Variants in ERC2 observed in about 807,000 individuals in gnomAD.
ERC2 encodes ELKS/RAB6-interacting/CAST family member 2.
ERC2 carries 42 observed loss-of-function variants against 114.8 expected under a neutral mutation model. That is an observed-to-expected ratio of 0.37 (90% CI 0.29 to 0.47). ERC2 has a LOEUF of 0.47. Among genes scored for constraint, ERC2 ranks in the 20% least tolerant of loss-of-function variants. The probability of loss-of-function intolerance (pLI) is 0.99; values close to 1 mark genes in which losing one functional copy is unlikely to be tolerated. For synonymous variants in ERC2, 454 were observed against 425.5 expected (o/e 1.07, Z -0.82); for missense variants, 939 against 1,150.7 (o/e 0.82, Z 2.66).
chr3:55,708,405 G>C (rs751948513), intron 15 of ERC2, among the ~76,000 whole-genome samples: 6 of 152,174 alleles, frequency 3.9e-5, no homozygotes, highest in Non-Finnish European at 5.9e-5. Context: ...TTAGTTAAGC[G>C]CAGGTCTGTT....
At chr3:56,086,672 G>T (rs2077520311) in intron 6 of ERC2, among the ~76,000 whole-genome samples, 1 of 151,594 alleles carries the variant, frequency 6.6e-6, no homozygotes, top group Non-Finnish European at 1.5e-5. Context: ...TTAAATACAG[G>T]GAAGATAAGG....
At chr3:55,850,845 AACACACACAC>A (rs61573924) in intron 14 of ERC2, among the ~76,000 whole-genome samples, 47 of 125,954 alleles carry the variant, frequency 3.7e-4, no homozygotes, top group Middle Eastern at 4.0e-3. Flanking sequence ...CTCTTTTTCA[AACACACACAC>A]ACACACACAC....
At chr3:55,927,333 T>C (rs1242334263) in intron 13 of ERC2, among the ~76,000 whole-genome samples, 1 of 152,198 alleles carries the variant, frequency 6.6e-6, no homozygotes, top group Non-Finnish European at 1.5e-5. Flanking sequence ...TTAAGCCTTG[T>C]CCCACTCAAT....
rs2107367135 is a variant in ERC2, at chr3:56,434,554, C to T, written c.454G>A (p.Ala152Thr). Residue 152 changes from alanine (A) to threonine (T), a missense_variant, in exon 2 of 18, where the codon GCC (alanine) becomes ACC (threonine). By Grantham distance (58) the Ala-to-Thr change is moderately conservative. This residue lies in a region of ERC2 where 281 missense variants were observed against 307.4 expected (regional missense o/e 0.91). Transcript: ENST00000288221. ...TCTCTCTGCAGTTCTTTCAGCTGGGCCTGAAGATCTAACATTGTGCTGTCT... is the reference window on the plus strand; with the variant it reads ...TCTCTCTGCAGTTCTTTCAGCTGGGTCTGAAGATCTAACATTGTGCTGTCT... ...VRDSTMLDLQ[A>T]QLKELQREND... The T allele has an allele frequency of 2.5e-6, 4 of 1,613,958 alleles. No individual in the cohort carries two copies. Among genetic ancestry groups the T allele is most frequent in the Non-Finnish European group, 2.5e-6 (3 of 1,179,896 alleles).
At chr3:56,379,095 A>G (rs930378987) in intron 2 of ERC2, among the ~76,000 whole-genome samples, 1 of 152,178 alleles carries the variant, frequency 6.6e-6, no homozygotes, top group Non-Finnish European at 1.5e-5. Flanking sequence ...GTTGTATTAA[A>G]TCTTTTAAAT....
At chr3:56,383,666 CT>C (rs35099559) in intron 2 of ERC2, among the ~76,000 whole-genome samples, 35,080 of 151,998 alleles carry the variant, frequency 0.23, 4,636 homozygotes, top group Non-Finnish European at 0.29. Flanking sequence ...TGGCCTTACT[CT>C]TTTTTTAATT....
chr3:56,340,542 A>ATGTGTG (rs10690369), intron 2 of ERC2, among the ~76,000 whole-genome samples: 50,281 of 141,268 alleles, frequency 0.36, 9,284 homozygotes, highest in Non-Finnish European at 0.4. Flanking sequence ...GAGAGAGTGA[A>ATGTGTG]TGTGTGTGTG....
intron 3 of ERC2, among the ~76,000 whole-genome samples, chr3:56,230,262 A>G (rs1178546129): frequency 6.6e-6 from 1 of 152,172 alleles, no homozygotes; most frequent in East Asian, 1.9e-4. Flanking sequence ...ATGAGAATAT[A>G]CTTCATCGTT....
chr3:55,613,849 G>C (rs1462891108), intron 17 of ERC2, among the ~76,000 whole-genome samples: 3 of 151,914 alleles, frequency 2.0e-5, no homozygotes, highest in African/African-American at 7.3e-5. Flanking sequence ...TGGGTGTGGT[G>C]GTGGGCAACG....
intron 7 of ERC2, among the ~76,000 whole-genome samples, chr3:56,022,976 C>T (rs776119107): frequency 7.9e-5 from 12 of 152,096 alleles, no homozygotes; most frequent in Non-Finnish European, 1.6e-4. Context: ...GAGCTCAGAC[C>T]CTGGAGGTCA....
intron 17 of ERC2, among the ~76,000 whole-genome samples, chr3:55,515,509 G>A (rs879691942): frequency 4.0e-5 from 6 of 151,724 alleles, no homozygotes; most frequent in Admixed American, 6.6e-5. Flanking sequence ...CTGGGACTAC[G>A]GGCATGAGCC....
At chr3:56,353,344 A>C (rs897398865) in intron 2 of ERC2, among the ~76,000 whole-genome samples, 2 of 151,996 alleles carry the variant, frequency 1.3e-5, no homozygotes, top group East Asian at 1.9e-4. Flanking sequence ...TTAAAATCTA[A>C]AGTAATGGCT....
At chr3:56,274,212 G>T (rs567502428) in intron 3 of ERC2, among the ~76,000 whole-genome samples, 1 of 152,150 alleles carries the variant, frequency 6.6e-6, no homozygotes, top group African/African-American at 2.4e-5. Flanking sequence ...TGTGAACTGC[G>T]CATACAAGGG....
At chr3:55,728,944 C>T (rs1055054850) in intron 15 of ERC2, among the ~76,000 whole-genome samples, 10 of 152,190 alleles carry the variant, frequency 6.6e-5, no homozygotes, top group Non-Finnish European at 1.2e-4. Context: ...CCAACGGAAG[C>T]AGCAGTGTTT....
At chr3:55,808,704 TATATA>T (rs2059587200) in intron 14 of ERC2, among the ~76,000 whole-genome samples, 1 of 20,926 alleles carries the variant, frequency 4.8e-5, no homozygotes, top group Non-Finnish European at 1.1e-4. Context: ...CATAATTTTA[TATATA>T]TATATATATA....
At chr3:56,286,828 C>A (rs1333220169) in intron 3 of ERC2, among the ~76,000 whole-genome samples, 1 of 151,778 alleles carries the variant, frequency 6.6e-6, no homozygotes, top group Non-Finnish European at 1.5e-5. Flanking sequence ...TGCCAAATCT[C>A]AATCTAAAAA....
intron 7 of ERC2, among the ~76,000 whole-genome samples, chr3:56,020,604 A>C (rs2073640042): frequency 6.6e-6 from 1 of 152,224 alleles, no homozygotes; most frequent in Non-Finnish European, 1.5e-5. Context: ...GTTATATGGA[A>C]GAAGCCAGCA....
intron 4 of ERC2, among the ~76,000 whole-genome samples, chr3:56,152,540 C>A (rs1457742202): frequency 2.0e-5 from 3 of 152,072 alleles, no homozygotes; most frequent in African/African-American, 7.2e-5. Flanking sequence ...GACATGGACC[C>A]CCATACTCCT....
chr3:56,449,652 C>G (rs4974142), intron 1 of ERC2, among the ~76,000 whole-genome samples: 1 of 152,142 alleles, frequency 6.6e-6, no homozygotes, highest in East Asian at 1.9e-4. Flanking sequence ...CTTCTGGATA[C>G]GCAATCTTGA....
Sources: gnomAD v4.1 joint callset for allele counts (sites outside exome capture counted in the v4.1 genomes callset) on GRCh38, gnomAD v4.1.1 for gene constraint, gnomAD v4.1.1 regional missense constraint, MANE v1.5 for transcripts, NCBI Gene and HGNC (gene_info 2026-07-23, HGNC 2026-07-21) for gene names.